MBD5: variants seen among roughly 807,000 people sequenced by gnomAD.
MBD5 encodes the protein methyl-CpG binding domain protein 5.
Under a neutral mutation model 117.3 loss-of-function variants are expected in MBD5, and 13 were observed. The observed-to-expected ratio is 0.11, with a 90% CI of 0.07 to 0.18. The LOEUF (loss-of-function observed/expected upper bound fraction) is 0.18, where lower values mean the gene tolerates loss of function less well. MBD5 is among the 10% of genes least tolerant of loss of function. The pLI is 1.00. For missense variants in MBD5, 1,879 were observed against 2,093.8 expected (o/e 0.90, Z 2.00); for synonymous variants, 727 against 766.4 (o/e 0.95, Z 0.85).
At chr2:148,080,195 G>A (rs1420003265) in intron 1 of MBD5, among the ~76,000 whole-genome samples, 1 of 152,160 alleles carries the variant, frequency 6.6e-6, no homozygotes, top group Non-Finnish European at 1.5e-5. Context: ...ATTACAGCAG[G>A]CAGGCATTCA....
intron 1 of MBD5, among the ~76,000 whole-genome samples, chr2:148,031,317 C>T (rs1391145948): frequency 2.7e-5 from 4 of 148,212 alleles, no homozygotes; most frequent in African/African-American, 9.9e-5. Flanking sequence ...TAACATTAAA[C>T]TGAGTGTGTA....
chr2:148,280,944 T>C (rs1701232064), intron 3 of MBD5, among the ~76,000 whole-genome samples: 1 of 152,226 alleles, frequency 6.6e-6, no homozygotes, highest in Admixed American at 6.5e-5. Context: ...AAAAGAAATC[T>C]ACCATTTAAC....
chr2:148,289,124 G>A (rs1157850375), intron 3 of MBD5, among the ~76,000 whole-genome samples: 1 of 152,086 alleles, frequency 6.6e-6, no homozygotes, highest in Admixed American at 6.6e-5. Flanking sequence ...ACAGTGCCTT[G>A]CTAATAGTAG....
chr2:148,079,519 A>G (rs2105144644), intron 1 of MBD5, among the ~76,000 whole-genome samples: 1 of 151,988 alleles, frequency 6.6e-6, no homozygotes, highest in East Asian at 2.0e-4. Flanking sequence ...CTGCCAGTCC[A>G]CTGCATCTCC....
chr2:148,030,273 T>C (rs1694002562), intron 1 of MBD5, among the ~76,000 whole-genome samples: 1 of 151,494 alleles, frequency 6.6e-6, no homozygotes, highest in South Asian at 2.1e-4. Context: ...AGACTCTGTC[T>C]CATAAGAAAA....
At chr2:148,454,436 G>A (rs1042263129) in intron 4 of MBD5, among the ~76,000 whole-genome samples, 1 of 152,028 alleles carries the variant, frequency 6.6e-6, no homozygotes. Flanking sequence ...CAATAGAGAT[G>A]GCTCTCAAAA....
intron 1 of MBD5, among the ~76,000 whole-genome samples, chr2:148,092,360 C>T (rs1695965179): frequency 6.6e-6 from 1 of 152,190 alleles, no homozygotes; most frequent in Admixed American, 6.5e-5. Context: ...GACACTTGCA[C>T]ATGCATGTTT....
chr2:148,370,479 A>G (rs1703819542), intron 4 of MBD5, among the ~76,000 whole-genome samples: 2 of 151,850 alleles, frequency 1.3e-5, no homozygotes, highest in African/African-American at 4.8e-5. Context: ...ACGATAGCCT[A>G]TTTATTTATT....
intron 3 of MBD5, among the ~76,000 whole-genome samples, chr2:148,242,945 A>G (rs767391394): frequency 4.1e-4 from 63 of 152,208 alleles, no homozygotes; most frequent in Non-Finnish European, 7.6e-4. Flanking sequence ...CTATAGTGGA[A>G]GTAATGTTAT....
chr2:148,483,981 T>A lies in MBD5; in HGVS notation c.3390T>A (p.Thr1130=). 1 of 1,550,532 alleles carries A rather than the reference T, an allele frequency of 6.4e-7. No homozygotes were observed. Among genetic ancestry groups the A allele is most frequent in the Non-Finnish European group, 8.7e-7 (1 of 1,146,944 alleles). Residue 1130 remains threonine (T), a synonymous_variant, in exon 9 of 14, where the codon ACT becomes ACA. Coordinates refer to ENST00000642680, the MANE Select transcript of MBD5 (RefSeq NM_001378120.1). ...TTTSSAVAAL[T]VSTLGGTAVV... is the part of the protein sequence containing the mutation. ...CATCATCAGCAGTGGCAGCACTGACTGTCTCAACACTTGGTGGGACAGCAG... is the reference window on the plus strand; with the variant it reads ...CATCATCAGCAGTGGCAGCACTGACAGTCTCAACACTTGGTGGGACAGCAG...
At chr2:148,167,132 A>G (rs1698145699) in intron 1 of MBD5, among the ~76,000 whole-genome samples, 1 of 152,168 alleles carries the variant, frequency 6.6e-6, no homozygotes, top group African/African-American at 2.4e-5. Context: ...TTAATCCTCT[A>G]TAGCTGCATT....
At chr2:148,187,846 G>C (rs1280075169) in intron 2 of MBD5, among the ~76,000 whole-genome samples, 4 of 152,106 alleles carry the variant, frequency 2.6e-5, no homozygotes, top group African/African-American at 7.2e-5. Flanking sequence ...GAAGAATGAA[G>C]AGCCCCAGAA....
intron 1 of MBD5, among the ~76,000 whole-genome samples, chr2:148,108,170 G>GTGCAGTA (rs1287659367): frequency 1.3e-5 from 2 of 152,150 alleles, no homozygotes; most frequent in Non-Finnish European, 2.9e-5. Context: ...CTGTGTCATA[G>GTGCAGTA]TGCTTTAAAA....
Position 148,176,916 on chromosome 2 carries a change from T to C in MBD5, c.-924-1784T>C, listed in dbSNP as rs958285336. Among the ~76,000 whole-genome samples, 6 of 151,822 alleles carry C rather than the reference T, an allele frequency of 4.0e-5. No homozygotes were observed. The South Asian group carries it at 6.3e-4, about 16-fold the overall frequency. On this transcript the variant is annotated intron_variant, in intron 1 of 13. Coordinates refer to ENST00000642680, the MANE Select transcript of MBD5 (RefSeq NM_001378120.1). ...AATTAATTCTGAGCCATCAAGGGCA[T>C]GTTTCTAGTTATATGTGAGGTTTTC...
chr2:148,383,481 A>G lies in MBD5; in HGVS notation c.-557+41145A>G, dbSNP rs140678371. ...AATAATTAATACCTTACCAACCAAA[A>G]GAAGTCCAGGACCAGATGGATTCAC... On this transcript the variant is annotated intron_variant, in intron 4 of 13. Coordinates refer to ENST00000642680, the MANE Select transcript of MBD5 (RefSeq NM_001378120.1). Among the ~76,000 whole-genome samples, 1,360 of 152,258 alleles carry G rather than the reference A, an allele frequency of 8.9e-3. 21 individuals carry two copies. Among genetic ancestry groups the G allele is most frequent in the African/African-American group, 0.031 (1,305 of 41,570 alleles).
chr2:148,437,448 TGAAA>T (rs1706187543), intron 4 of MBD5, among the ~76,000 whole-genome samples: 1 of 152,106 alleles, frequency 6.6e-6, no homozygotes, highest in Admixed American at 6.6e-5. Flanking sequence ...TCCCAAATAC[TGAAA>T]TTCTGAAACA....
chr2:148,383,474 A>C (rs1445583536), intron 4 of MBD5, among the ~76,000 whole-genome samples: 2 of 152,178 alleles, frequency 1.3e-5, no homozygotes, highest in East Asian at 3.9e-4. Context: ...ATACCTTACC[A>C]ACCAAAAGAA....
chr2:148,023,414 C>A (rs1693819069), intron 1 of MBD5, among the ~76,000 whole-genome samples: 1 of 152,074 alleles, frequency 6.6e-6, no homozygotes, highest in Admixed American at 6.5e-5. Context: ...CATTTACATA[C>A]CGAAATAAAA....
intron 4 of MBD5, among the ~76,000 whole-genome samples, chr2:148,408,000 C>T: frequency 6.6e-6 from 1 of 152,138 alleles, no homozygotes; most frequent in Non-Finnish European, 1.5e-5. Context: ...ATTTCAGAGA[C>T]TGACTGTGTA....
Sources: allele counts gnomAD v4.1 joint callset (sites outside exome capture counted in the v4.1 genomes callset), GRCh38; gene constraint gnomAD v4.1.1; transcripts MANE v1.5; gene names NCBI Gene and HGNC (gene_info 2026-07-23, HGNC 2026-07-21).